SUGCT: variants seen among roughly 807,000 people sequenced by gnomAD.
The protein encoded by SUGCT is succinyl-CoA:glutarate-CoA transferase.
SUGCT carries 41 observed loss-of-function variants against 55.0 expected under a neutral mutation model. The observed-to-expected ratio is 0.74, with a 90% CI of 0.58 to 0.97. SUGCT has a LOEUF of 0.97. Ranked by LOEUF, SUGCT falls within the 50% of genes least tolerant of loss-of-function variation. The pLI is 0.00. For synonymous variants in SUGCT, 187 were observed against 200.4 expected (o/e 0.93, Z 0.56); for missense variants, 568 against 547.8 (o/e 1.04, Z -0.37).
chr7:40,610,899 TTC>T (rs1187499083), intron 12 of SUGCT, among the ~76,000 whole-genome samples: 2 of 152,188 alleles, frequency 1.3e-5, no homozygotes, highest in African/African-American at 4.8e-5. Context: ...ATTATGGTAA[TTC>T]TCAAAGCAAC....
At chr7:40,185,300 A>G (rs929765371) in intron 3 of SUGCT, among the ~76,000 whole-genome samples, 5 of 152,172 alleles carry the variant, frequency 3.3e-5, no homozygotes, top group Non-Finnish European at 5.9e-5. Flanking sequence ...CATTCAATGT[A>G]TTAATAATTT....
chr7:40,443,961 A>G (rs1788664520), intron 9 of SUGCT, among the ~76,000 whole-genome samples: 2 of 152,158 alleles, frequency 1.3e-5, no homozygotes, highest in African/African-American at 4.8e-5. Flanking sequence ...TTTTCCCAGC[A>G]CCATTTATTA....
the SUGCT span, among the ~76,000 whole-genome samples, chr7:40,902,095 C>T: frequency 6.6e-6 from 1 of 151,876 alleles, no homozygotes; most frequent in Admixed American, 6.6e-5. Flanking sequence ...CTACATTCAC[C>T]CAAGTGGTTC....
intron 13 of SUGCT, among the ~76,000 whole-genome samples, chr7:40,756,898 G>A (rs1266918749): frequency 6.6e-6 from 1 of 152,132 alleles, no homozygotes; most frequent in Non-Finnish European, 1.5e-5. Flanking sequence ...TGCAAAAAGA[G>A]GAAAGAGATG....
intron 8 of SUGCT, among the ~76,000 whole-genome samples, chr7:40,288,258 C>G (rs1793485953): frequency 6.6e-6 from 1 of 151,662 alleles, no homozygotes; most frequent in African/African-American, 2.4e-5. Flanking sequence ...ACTAATTTTT[C>G]TTTTATTGTT....
chr7:40,188,548 A>T lies in SUGCT; in HGVS notation c.280A>T (p.Thr94Ser), dbSNP rs1562563421. ...GCCACCTTTTGTTGGGACAGAAAGT[A>T]CATATTATCTCAGTGTTAACCGAAA... The part of the protein sequence containing the change: ...WGPPFVGTES[T>S]YYLSVNRNKK... Residue 94 changes from threonine (T) to serine (S), a missense_variant, in exon 4 of 14, where the codon ACA becomes TCA. By Grantham distance (58) the Thr-to-Ser change is moderately conservative (BLOSUM62 1). Transcript: ENST00000335693. 6.2e-6 allele frequency: 10 copies of T among 1,609,486 alleles called. No individual in the cohort carries two copies. The highest frequency in any genetic ancestry group is 5.9e-6 in the Non-Finnish European group (7 of 1,178,682).
At chr7:40,667,739 A>G (rs996293928) in intron 12 of SUGCT, among the ~76,000 whole-genome samples, 35 of 152,008 alleles carry the variant, frequency 2.3e-4, no homozygotes, top group Non-Finnish European at 4.1e-4. Context: ...ATGCACAGAG[A>G]TGTTCCTAAT....
chr7:40,443,009 G>T (rs1444866690), intron 9 of SUGCT, among the ~76,000 whole-genome samples: 1 of 152,152 alleles, frequency 6.6e-6, no homozygotes, highest in Non-Finnish European at 1.5e-5. Flanking sequence ...TGCTCAGAGT[G>T]ATGGTTTCCA....
At chr7:40,271,115 T>C (rs1446692658) in intron 7 of SUGCT, among the ~76,000 whole-genome samples, 1 of 152,162 alleles carries the variant, frequency 6.6e-6, no homozygotes, top group Non-Finnish European at 1.5e-5. Context: ...ACTTTTGATA[T>C]ATAAGACTGG....
intron 13 of SUGCT, among the ~76,000 whole-genome samples, chr7:40,806,251 C>A (rs1413406949): frequency 6.6e-6 from 1 of 151,926 alleles, no homozygotes; most frequent in Admixed American, 6.6e-5. Context: ...CCTGAGTAGC[C>A]CATTTCAGGG....
chr7:40,936,687 G>A, the SUGCT span, among the ~76,000 whole-genome samples: 2 of 151,600 alleles, frequency 1.3e-5, no homozygotes, highest in Admixed American at 1.3e-4. Flanking sequence ...CAGAAAGGTA[G>A]GTTATTGATG....
chr7:40,599,631 TA>T, intron 12 of SUGCT, among the ~76,000 whole-genome samples: 1 of 152,314 alleles, frequency 6.6e-6, no homozygotes, highest in African/African-American at 2.4e-5. Flanking sequence ...GAAACAAACT[TA>T]AAACCCAATT....
At chr7:40,542,005 T>G (rs1331742997) in intron 12 of SUGCT, among the ~76,000 whole-genome samples, 1 of 152,108 alleles carries the variant, frequency 6.6e-6, no homozygotes, top group Non-Finnish European at 1.5e-5. Context: ...AAGAAAGCCT[T>G]CCACCAGGGA....
intron 8 of SUGCT, among the ~76,000 whole-genome samples, chr7:40,304,283 A>G (rs989721985): frequency 2.0e-5 from 3 of 152,040 alleles, no homozygotes; most frequent in African/African-American, 7.2e-5. Flanking sequence ...GTTAGAAGGA[A>G]GTAGCCTTTA....
intron 12 of SUGCT, among the ~76,000 whole-genome samples, chr7:40,510,626 A>ATTT (rs1792873742): frequency 6.6e-6 from 1 of 152,214 alleles, no homozygotes; most frequent in African/African-American, 2.4e-5. Flanking sequence ...TGATAGGAAC[A>ATTT]TGACAGAAGT....
intron 9 of SUGCT, among the ~76,000 whole-genome samples, chr7:40,383,256 C>T (rs1054889102): frequency 6.6e-6 from 1 of 152,082 alleles, no homozygotes; most frequent in Non-Finnish European, 1.5e-5. Flanking sequence ...TAGTAATGGC[C>T]TGAGAGATTT....
chr7:40,168,298 T>C (rs763238186), intron 1 of SUGCT, among the ~76,000 whole-genome samples: 1 of 152,110 alleles, frequency 6.6e-6, no homozygotes, highest in Admixed American at 6.6e-5. Context: ...TCCTGCTGAA[T>C]TGGGGCGTAG....
chr7:40,358,479 G>C (rs1797984060), intron 9 of SUGCT, among the ~76,000 whole-genome samples: 1 of 152,096 alleles, frequency 6.6e-6, no homozygotes, highest in Non-Finnish European at 1.5e-5. Flanking sequence ...TTGGGAGGCC[G>C]AGATGAGTGG....
chr7:40,278,111 G>A (rs954012872), intron 8 of SUGCT, among the ~76,000 whole-genome samples: 4 of 151,898 alleles, frequency 2.6e-5, no homozygotes, highest in South Asian at 2.1e-4. Context: ...GGGTTGGTTC[G>A]GGCAAAGGAT....
Sources: gnomAD v4.1 joint callset for allele counts (sites outside exome capture counted in the v4.1 genomes callset) on GRCh38, gnomAD v4.1.1 for gene constraint, MANE v1.5 for transcripts, NCBI Gene and HGNC (gene_info 2026-07-23, HGNC 2026-07-21) for gene names.